The following CNTNAP5 variants were observed in gnomAD, a reference collection of about 807,000 sequenced individuals.
The protein encoded by CNTNAP5 is contactin-associated protein-like 5.
A neutral mutation model predicts 150.2 loss-of-function variants in CNTNAP5; 72 were observed. The ratio of observed to expected loss-of-function variants is 0.48; its 90% CI spans 0.40 to 0.58. CNTNAP5 has a LOEUF of 0.58. CNTNAP5 is among the 20% of genes least tolerant of loss of function. CNTNAP5 has a pLI of 0.00. For synonymous variants in CNTNAP5, 672 were observed against 619.8 expected, an observed-to-expected ratio of 1.08 and a Z score of -1.25; for missense variants, 1,636 against 1,626.2, an observed-to-expected ratio of 1.01 and a Z score of -0.10.
At chr2:124,714,420 G>A (rs1189865532) in intron 13 of CNTNAP5, among the ~76,000 whole-genome samples, 1 of 152,238 alleles carries the variant, frequency 6.6e-6, no homozygotes, top group African/African-American at 2.4e-5. Flanking sequence ...AATTTATGAT[G>A]AGTTTTATTT....
At chr2:124,719,492 A>C (rs1680008984) in intron 13 of CNTNAP5, among the ~76,000 whole-genome samples, 1 of 152,182 alleles carries the variant, frequency 6.6e-6, no homozygotes, top group South Asian at 2.1e-4. Flanking sequence ...GAAGGAAGAG[A>C]TTATTCATTC....
At chr2:124,613,900 G>A (rs886182540) in intron 12 of CNTNAP5, among the ~76,000 whole-genome samples, 6 of 152,146 alleles carry the variant, frequency 3.9e-5, no homozygotes, top group African/African-American at 4.8e-5. Flanking sequence ...CACTTTTGAC[G>A]GGGTGCCATC....
chr2:124,792,356 G>T (rs568072242), intron 18 of CNTNAP5, among the ~76,000 whole-genome samples: 1 of 152,100 alleles, frequency 6.6e-6, no homozygotes, highest in South Asian at 2.1e-4. Context: ...GGCTCATAAA[G>T]GTGGACTGAC....
In CNTNAP5 at chr2:124,221,742, A is replaced by G. The variant is rs1686323243; in HGVS notation, c.120A>G (p.Pro40=). Residue 40 remains proline (P), a synonymous_variant, in exon 2 of 24, where the codon CCA becomes CCG. Transcript: ENST00000682447. Reference sequence around the variant, plus strand: ...ATCCACTAGCATCCCTGCTCTCTCCAATGGCTTTTTCCAGTTCCTCAGACC... The same window carrying G: ...ATCCACTAGCATCCCTGCTCTCTCCGATGGCTTTTTCCAGTTCCTCAGACC... The part of the protein sequence containing the change: ...CDDPLASLLS[P]MAFSSSSDLT... 6.2e-7 allele frequency: 1 copy of G among 1,611,912 alleles called. No individual in the cohort carries two copies. The highest frequency in any genetic ancestry group is 8.5e-7 in the Non-Finnish European group (1 of 1,178,892).
At chr2:124,775,435 A>G (rs1011357992) in intron 17 of CNTNAP5, among the ~76,000 whole-genome samples, 2 of 152,146 alleles carry the variant, frequency 1.3e-5, no homozygotes, top group Non-Finnish European at 2.9e-5. Context: ...TTACTTAAAT[A>G]TTAATTTGGA....
intron 17 of CNTNAP5, 102 bp from the exon 18 acceptor site, chr2:124,789,800 G>A: frequency 1.9e-6 from 2 of 1,056,288 alleles, no homozygotes; most frequent in Non-Finnish European, 2.7e-6. Context: ...AGACCTTCAT[G>A]ACAACAGAGA....
At chr2:124,612,461 G>T (rs1677406957) in intron 12 of CNTNAP5, among the ~76,000 whole-genome samples, 1 of 152,144 alleles carries the variant, frequency 6.6e-6, no homozygotes, top group Non-Finnish European at 1.5e-5. Flanking sequence ...GACTTAGAGA[G>T]TCTGACTGAT....
At chr2:124,577,166 G>A (rs1696302566) in intron 11 of CNTNAP5, among the ~76,000 whole-genome samples, 2 of 152,168 alleles carry the variant, frequency 1.3e-5, no homozygotes, top group South Asian at 4.2e-4. Context: ...CTATGGACTT[G>A]CCATTTTTTC....
At position 124,187,316 on chromosome 2, in the gene CNTNAP5, G is replaced by A. The variant is rs6710657; in HGVS notation, c.83-34389G>A. ...TGGTGGCTGAGGTCCAGAATCTTTG[G>A]GTAAACTATTTAAGAACTCTCAACT... On this transcript the variant is annotated intron_variant, in intron 1 of 23. Transcript: ENST00000682447. 1.4e-3 allele frequency among the ~76,000 whole-genome samples: 219 copies of A among 152,206 alleles called. 2 individuals are homozygous for A. The highest frequency in any genetic ancestry group is 4.6e-3 in the African/African-American group (192 of 41,516).
chr2:124,799,140 A>G (rs1417224651), intron 19 of CNTNAP5, among the ~76,000 whole-genome samples: 1 of 152,168 alleles, frequency 6.6e-6, no homozygotes, highest in Non-Finnish European at 1.5e-5. Flanking sequence ...TTTGCATGGT[A>G]TCTAATAGGT....
intron 10 of CNTNAP5, among the ~76,000 whole-genome samples, chr2:124,538,490 A>G (rs1490109726): frequency 2.0e-5 from 3 of 151,758 alleles, no homozygotes; most frequent in African/African-American, 4.8e-5. Context: ...AGAAAGAAAG[A>G]GAGAGAGAAA....
chr2:124,897,186 A>G (rs1188190027), intron 21 of CNTNAP5, among the ~76,000 whole-genome samples: 1 of 151,576 alleles, frequency 6.6e-6, no homozygotes, highest in East Asian at 1.9e-4. Flanking sequence ...TGAGTAGGGA[A>G]CCATAAATAT....
chr2:124,175,229 A>T (rs1177914885), intron 1 of CNTNAP5, among the ~76,000 whole-genome samples: 1 of 152,228 alleles, frequency 6.6e-6, no homozygotes, highest in Non-Finnish European at 1.5e-5. Flanking sequence ...GGATCTACAC[A>T]TACATATGTA....
rs186800551 is a variant in CNTNAP5 at position 124,758,246 on chromosome 2, T to C, written c.2235-5426T>C. ...AGTAAGAAAGAAATGAAGACTCTTA[T>C]GCTTATGATCTCAGCAACTGAGTGT... On this transcript the variant is annotated intron_variant, in intron 14 of 23. Transcript: ENST00000682447. Among the ~76,000 whole-genome samples, 401 of 152,288 alleles carry C rather than the reference T, an allele frequency of 2.6e-3. 2 individuals are homozygous for C. Among genetic ancestry groups the C allele is most frequent in the African/African-American group, 9.1e-3 (377 of 41,582 alleles).
At chr2:124,302,982 G>GACT (rs1688601727) in intron 3 of CNTNAP5, among the ~76,000 whole-genome samples, 1 of 152,098 alleles carries the variant, frequency 6.6e-6, no homozygotes, top group African/African-American at 2.4e-5. Context: ...TTTGTATTCT[G>GACT]ACTACGTAGA....
At chr2:124,707,173 A>AGAAGAAGAAGAAGAAGAT (rs1558743853) in intron 13 of CNTNAP5, among the ~76,000 whole-genome samples, 11 of 145,736 alleles carry the variant, frequency 7.5e-5, no homozygotes, top group South Asian at 2.3e-4. Flanking sequence ...AAGAAGAAGA[A>AGAAGAAGAAGAAGAAGAT]GAAGAAGAAG....
chr2:124,348,823 CAT>C (rs968780873), intron 3 of CNTNAP5, among the ~76,000 whole-genome samples: 1 of 152,042 alleles, frequency 6.6e-6, no homozygotes, highest in Non-Finnish European at 1.5e-5. Context: ...AGGATATAAA[CAT>C]TGTGTGTACA....
intron 17 of CNTNAP5, among the ~76,000 whole-genome samples, chr2:124,782,131 A>G (rs1681465561): frequency 6.6e-6 from 1 of 152,026 alleles, no homozygotes; most frequent in Non-Finnish European, 1.5e-5. Flanking sequence ...GTCAGAGCAT[A>G]TTGTGTTATG....
At chr2:124,824,901 A>G (rs1418344462) in intron 19 of CNTNAP5, among the ~76,000 whole-genome samples, 1 of 152,226 alleles carries the variant, frequency 6.6e-6, no homozygotes, top group African/African-American at 2.4e-5. Flanking sequence ...TGGATTTAGC[A>G]TACTCTTACA....
Sources: gnomAD v4.1 joint callset for allele counts (sites outside exome capture counted in the v4.1 genomes callset) on GRCh38, gnomAD v4.1.1 for gene constraint, MANE v1.5 for transcripts, NCBI Gene and HGNC (gene_info 2026-07-23, HGNC 2026-07-21) for gene names.